Variants in ACOT11 observed in about 807,000 individuals in gnomAD.
ACOT11 encodes acyl-coenzyme A thioesterase 11.
A neutral mutation model predicts 77.5 loss-of-function variants in ACOT11; 69 were observed. The ratio of observed to expected loss-of-function variants is 0.89; its 90% CI spans 0.73 to 1.09. The LOEUF is 1.09. Among genes scored for constraint, ACOT11 ranks in the 50% least tolerant of loss-of-function variants. The pLI is 0.00. For synonymous variants in ACOT11, 279 were observed against 313.0 expected (o/e 0.89, Z 1.15); for missense variants, 766 against 813.7 (o/e 0.94, Z 0.71).
At position 54,599,365 on chromosome 1, in the gene ACOT11, C is replaced by T. The variant is rs144063744; in HGVS notation, c.834C>T (p.Val278=). The T allele has an allele frequency of 1.2e-5, 20 of 1,608,584 alleles. No individual in the cohort carries two copies. Among genetic ancestry groups the T allele is most frequent in the African/African-American group, 1.2e-4 (9 of 74,518 alleles). The change falls in exon 8 of 16, where the codon GTC becomes GTT. Residue 278 remains valine (V), a synonymous_variant. Coordinates refer to ENST00000343744, the MANE Select transcript of ACOT11 (RefSeq NM_147161.4). ...TCCACTTCCGAGGCCCGTCCCAGGT[C>T]GGCGACCGTCTGGTGCTCAAAGCCA... The part of the protein sequence containing the change: ...EMFHFRGPSQ[V]GDRLVLKAIV...
At chr1:54,552,440 G>A (rs1653103225) in intron 1 of ACOT11, among the ~76,000 whole-genome samples, 1 of 152,150 alleles carries the variant, frequency 6.6e-6, no homozygotes, top group Non-Finnish European at 1.5e-5. Context: ...GGAGCCATAT[G>A]TGAACCCCCA....
At chr1:54,605,602 C>T (rs945934769) in intron 13 of ACOT11, among the ~76,000 whole-genome samples, 3 of 151,784 alleles carry the variant, frequency 2.0e-5, no homozygotes, top group Admixed American at 6.6e-5. Flanking sequence ...AAGGGGCTTC[C>T]GGAACTGCTG....
rs931405175 is a variant in ACOT11, at chr1:54,616,185, C to T, written c.1629+8117C>T. 4.4e-6 allele frequency: 7 copies of T among 1,602,336 alleles called. No homozygotes were observed. In the Admixed American group the frequency reaches 8.6e-5, roughly 20 times the overall value. On this transcript the variant is annotated intron_variant, in intron 15 of 16. Coordinates refer to the ACOT11 transcript ENST00000371316. ...ACTGTGATGTTGCCTGTGGAAGGGG[C>T]AACAACTCAGTGAGTTCCTTTTTTT...
chr1:54,562,579 T>A, intron 1 of ACOT11, among the ~76,000 whole-genome samples: 1 of 142,242 alleles, frequency 7.0e-6, no homozygotes. Flanking sequence ...ACGGGGTGGC[T>A]GCCGGGCGGA....
chr1:54,565,908 C>G (rs59405311), intron 1 of ACOT11, among the ~76,000 whole-genome samples: 4,379 of 152,196 alleles, frequency 0.029, 212 homozygotes, highest in African/African-American at 0.1. Flanking sequence ...TTTCTCTGTT[C>G]CCATGGTATT....
rs150290833 is a variant in ACOT11, at chr1:54,607,969, G to A, written c.1530G>A (p.Ser510=). The part of the protein sequence containing the change: ...NGDPYVIALR[S]VTLPTHRETP... ...ACCCCTATGTCATCGCGCTGAGGTC[G>A]GTCACGCTGCCCACACACCGAGAGA... The change falls in exon 15 of 16, where the codon TCG becomes TCA. Residue 510 remains serine (S), a synonymous_variant. Coordinates refer to ENST00000343744, the MANE Select transcript of ACOT11 (RefSeq NM_147161.4). The surrounding 1 kb of genome is among the most constrained non-coding windows in gnomAD (Gnocchi z 4.5). The A allele has an allele frequency of 5.6e-6, 9 of 1,613,484 alleles. 1 individual carries two copies. Among genetic ancestry groups the A allele is most frequent in the African/African-American group, 4.0e-5 (3 of 74,738 alleles).
At chr1:54,553,590 C>T (rs914121263) in intron 1 of ACOT11, among the ~76,000 whole-genome samples, 3 of 152,082 alleles carry the variant, frequency 2.0e-5, no homozygotes, top group Admixed American at 2.0e-4. Context: ...TACATTACCT[C>T]ACATAGTTTT....
chr1:54,608,925 G>C, intron 15 of ACOT11, 32 bp from the exon 16 acceptor site: 1 of 1,591,416 alleles, frequency 6.3e-7, no homozygotes, highest in South Asian at 1.1e-5. Context: ...CCCCTAGCTT[G>C]GTCCCCCTGA....
chr1:54,598,840 CA>C (rs898488192), intron 7 of ACOT11: 4,827 of 59,950 alleles, frequency 0.081, 142 homozygotes, highest in East Asian at 0.26. Context: ...AACCCTGTCT[CA>C]AAAAAAAAAA....
At chr1:54,611,596 C>G (rs1644118890), downstream of ACOT11, 1 of 1,613,504 alleles carries the variant, frequency 6.2e-7, no homozygotes, top group Non-Finnish European at 8.5e-7. Context: ...TTCCCAATTC[C>G]TCTCCTTACA....
intron 1 of ACOT11, among the ~76,000 whole-genome samples, chr1:54,561,079 T>A (rs900497495): frequency 8.0e-6 from 1 of 125,048 alleles, no homozygotes; most frequent in African/African-American, 3.8e-5. Flanking sequence ...TGGCTGATTT[T>A]TTATTTTTTT....
At chr1:54,554,387 T>G in intron 1 of ACOT11, among the ~76,000 whole-genome samples, 1 of 145,180 alleles carries the variant, frequency 6.9e-6, no homozygotes, top group Non-Finnish European at 1.5e-5. Flanking sequence ...AGTCCTGCTT[T>G]GTCACCCAGG....
At chr1:54,571,061 T>TTCTCTCTCTCTCTC (rs556109250) in intron 1 of ACOT11, among the ~76,000 whole-genome samples, 68 of 149,484 alleles carry the variant, frequency 4.5e-4, no homozygotes, top group African/African-American at 1.7e-3. Flanking sequence ...AATTATGATA[T>TTCTCTCTCTCTCTC]TCTCTCTCTC....
chr1:54,595,866 A>G (rs1654879516), intron 6 of ACOT11, among the ~76,000 whole-genome samples: 1 of 152,198 alleles, frequency 6.6e-6, no homozygotes, highest in South Asian at 2.1e-4. Flanking sequence ...AGGCGATCTT[A>G]GAAGAAAATC....
intron 6 of ACOT11, 53 bp downstream of exon 6, chr1:54,594,744 C>T: frequency 6.4e-7 from 1 of 1,563,938 alleles, no homozygotes; most frequent in Non-Finnish European, 8.7e-7. Flanking sequence ...CTGCATGGCC[C>T]CTCTGCCCCG....
In ACOT11 at chr1:54,609,191, C is replaced by G. The variant is rs1365582408; in HGVS notation, c.*79C>G. On this transcript the variant is annotated 3_prime_UTR_variant, in exon 16 of 16. Coordinates refer to ENST00000343744, the MANE Select transcript of ACOT11 (RefSeq NM_147161.4). ...CTCACATACAGTGCCTGGAGAAAGC[C>G]AAAGACCTTTATTTCTTCCTGCCTC... 5.0e-6 allele frequency: 8 copies of G among 1,600,030 alleles called. No individual in the cohort carries two copies. The highest frequency in any genetic ancestry group is 1.3e-5 in the African/African-American group (1 of 74,686).
At chr1:54,571,129 A>G (rs557007023) in intron 1 of ACOT11, among the ~76,000 whole-genome samples, 29 of 147,684 alleles carry the variant, frequency 2.0e-4, no homozygotes, top group Admixed American at 1.8e-3. Flanking sequence ...CTGGGTAACT[A>G]TGATATTCTT....
chr1:54,593,906 T>C (rs2100990077), intron 4 of ACOT11, 35 bp from the exon 5 acceptor site: 2 of 1,582,812 alleles, frequency 1.3e-6, no homozygotes, highest in Non-Finnish European at 8.7e-7. Context: ...TGCAATGTTG[T>C]TCCTCATTCC....
At chr1:54,571,061 T>TTCTCTC (rs556109250) in intron 1 of ACOT11, among the ~76,000 whole-genome samples, 25 of 149,488 alleles carry the variant, frequency 1.7e-4, no homozygotes, top group Middle Eastern at 3.4e-3. Flanking sequence ...AATTATGATA[T>TTCTCTC]TCTCTCTCTC....
Sources: allele counts gnomAD v4.1 joint callset (sites outside exome capture counted in the v4.1 genomes callset), GRCh38; gene constraint gnomAD v4.1.1; non-coding constraint Gnocchi (gnomAD v3.1); transcripts MANE v1.5; gene names NCBI Gene and HGNC (gene_info 2026-07-23, HGNC 2026-07-21).